ITGA1: variants seen among roughly 807,000 people sequenced by gnomAD.
The protein encoded by ITGA1 is integrin alpha-1.
ITGA1 carries 85 observed loss-of-function variants against 145.9 expected under a neutral mutation model. The ratio of observed to expected loss-of-function variants is 0.58; its 90% CI spans 0.49 to 0.70. The LOEUF (loss-of-function observed/expected upper bound fraction) is 0.70, where lower values mean the gene tolerates loss of function less well. Ranked by LOEUF, ITGA1 falls within the 30% of genes least tolerant of loss-of-function variation. ITGA1 has a pLI of 0.00. For missense variants in ITGA1, 1,351 were observed against 1,418.7 expected (o/e 0.95, Z 0.77); for synonymous variants, 520 against 495.3 (o/e 1.05, Z -0.66).
chr5:52,950,522 GA>G (rs1561258848), intron 28 of ITGA1, among the ~76,000 whole-genome samples: 2 of 152,080 alleles, frequency 1.3e-5, no homozygotes. Context: ...ACACAGGAAG[GA>G]AAAAATGAAA....
chr5:52,845,827 T>G (rs1168459098), intron 1 of ITGA1, among the ~76,000 whole-genome samples: 2 of 152,186 alleles, frequency 1.3e-5, no homozygotes, highest in Non-Finnish European at 2.9e-5. Context: ...TATGCATTTC[T>G]TGTATCAAAA....
At chr5:52,822,104 C>T (rs10045468) in intron 1 of ITGA1, among the ~76,000 whole-genome samples, 2,389 of 152,226 alleles carry the variant, frequency 0.016, 68 homozygotes, top group African/African-American at 0.054. Flanking sequence ...ATGTGGAGGC[C>T]GTTTCCTGAC....
At chr5:52,805,366 G>A (rs1249624543) in intron 1 of ITGA1, among the ~76,000 whole-genome samples, 1 of 152,008 alleles carries the variant, frequency 6.6e-6, no homozygotes, top group Admixed American at 6.6e-5. Flanking sequence ...AGGAAGACTG[G>A]TTAAAAAAAT....
chr5:52,788,167 C>T lies in ITGA1; in HGVS notation c.-187C>T, dbSNP rs1165364997. The T allele has an allele frequency of 3.8e-5, 18 of 476,380 alleles. No individual in the cohort carries two copies. Among genetic ancestry groups the T allele is most frequent in the Non-Finnish European group, 6.0e-5 (16 of 268,592 alleles). The allele number at this position is 476,380 out of a possible 1,614,324, so 29.5% of individuals were successfully genotyped here. On this transcript the variant is annotated 5_prime_UTR_variant, in exon 1 of 29. Coordinates refer to ENST00000282588, the MANE Select transcript of ITGA1 (RefSeq NM_181501.2). ...TCTGGGATGTGAAAAGCGTGGAGCG[C>T]ATTTAGAGGAATTCGACGAAAACAC...
rs145334288 is a variant in ITGA1, at chr5:52,858,959, A to G, written c.183-2488A>G. Among the ~76,000 whole-genome samples, 1,416 of 152,290 alleles carry G rather than the reference A, an allele frequency of 9.3e-3. 14 individuals are homozygous for G. Among genetic ancestry groups the G allele is most frequent in the Non-Finnish European group, 0.013 (912 of 67,994 alleles). ...ATGGAGTAATTGACTTGTCCTAACCATATAGCTAAGTGAATGGTAAAGCCA... is the reference window on the plus strand; with the variant it reads ...ATGGAGTAATTGACTTGTCCTAACCGTATAGCTAAGTGAATGGTAAAGCCA... On this transcript the variant is annotated intron_variant, in intron 2 of 28. Coordinates refer to ENST00000282588, the MANE Select transcript of ITGA1 (RefSeq NM_181501.2).
At chr5:52,834,639 CAGAA>C (rs201700776) in intron 1 of ITGA1, among the ~76,000 whole-genome samples, 3,136 of 129,998 alleles carry the variant, frequency 0.024, 110 homozygotes, top group African/African-American at 0.086. Flanking sequence ...GAAAGAAAGA[CAGAA>C]AGAAAGAAAA....
In ITGA1 at chr5:52,916,388, C is replaced by T. The variant is rs963375386; in HGVS notation, c.1988+794C>T. Among the ~76,000 whole-genome samples the T allele has an allele frequency of 2.6e-5, 4 of 152,188 alleles. No homozygotes were observed. In the South Asian group the frequency reaches 6.2e-4, roughly 24 times the overall value. ...TTTATGGGAAGTCCGCATGTTGATT[C>T]TCCTAAATTAATGCATTGGTTTACT... On this transcript the variant is annotated intron_variant, in intron 15 of 28. Coordinates refer to ENST00000282588, the MANE Select transcript of ITGA1 (RefSeq NM_181501.2).
intron 1 of ITGA1, among the ~76,000 whole-genome samples, chr5:52,834,645 G>GAA (rs1255423523): frequency 5.4e-5 from 8 of 148,100 alleles, no homozygotes; most frequent in African/African-American, 1.7e-4. Context: ...AAGACAGAAA[G>GAA]AAAGAAAAAG....
intron 20 of ITGA1, among the ~76,000 whole-genome samples, chr5:52,928,511 C>T (rs1374230326): frequency 6.6e-6 from 1 of 152,168 alleles, no homozygotes; most frequent in East Asian, 1.9e-4. Context: ...ATAAATTGTA[C>T]AGTCATTACG....
chr5:52,842,833 G>A (rs1007718405), intron 1 of ITGA1, among the ~76,000 whole-genome samples: 3 of 151,760 alleles, frequency 2.0e-5, no homozygotes, highest in African/African-American at 7.3e-5. Flanking sequence ...CTACAGGTGT[G>A]CACCTCTATG....
chr5:52,800,486 A>G, intron 1 of ITGA1: 3 of 1,613,886 alleles, frequency 1.9e-6, no homozygotes, highest in East Asian at 2.2e-5. Context: ...CACACTTACA[A>G]CCTCGTGCAG....
chr5:52,947,949 T>C (rs1271923526), intron 28 of ITGA1, among the ~76,000 whole-genome samples: 2 of 152,164 alleles, frequency 1.3e-5, no homozygotes, highest in African/African-American at 2.4e-5. Flanking sequence ...TGTTTAAATA[T>C]ATATGGCACA....
intron 19 of ITGA1, among the ~76,000 whole-genome samples, chr5:52,926,570 C>G (rs1416640533): frequency 6.6e-6 from 1 of 151,990 alleles, no homozygotes; most frequent in Non-Finnish European, 1.5e-5. Flanking sequence ...CCACTGCACT[C>G]CAGCCTGGTG....
chr5:52,909,112 C>A lies in ITGA1; in HGVS notation c.1599+71C>A, dbSNP rs1000241024. On this transcript the variant is annotated intron_variant, in intron 13 of 28. Coordinates refer to ENST00000282588, the MANE Select transcript of ITGA1 (RefSeq NM_181501.2). ...TCTCTTCATTTTTTAATAATAAATT[C>A]CAATTTTTCACTCACTTTGAAAAAA... 6 of 1,486,268 alleles carry A rather than the reference C, an allele frequency of 4.0e-6. No homozygotes were observed. The East Asian group carries it at 9.5e-5, about 24-fold the overall frequency. The allele number at this position is 1,486,268 out of a possible 1,614,324, so 92.1% of individuals were successfully genotyped here. A position where few individuals can be genotyped will look rare whatever the true frequency, so the allele number is the denominator to read the frequency against.
chr5:52,865,030 T>C lies in ITGA1; in HGVS notation c.444T>C (p.Cys148=), dbSNP rs1749662849. ...CGHLHYTTGI[C]SDVSPTFQVV... ...ATTTGCATTACACAACTGGAATCTGTTCTGACGTCAGCCCCACATTTCAAG... is the reference window on the plus strand; with the variant it reads ...ATTTGCATTACACAACTGGAATCTGCTCTGACGTCAGCCCCACATTTCAAG... The change falls in exon 5 of 29, where the codon TGT becomes TGC. Residue 148 remains cysteine, a synonymous_variant. Transcript: ENST00000282588. 3.7e-6 allele frequency: 6 copies of C among 1,613,824 alleles called. No individual in the cohort carries two copies. Among genetic ancestry groups the C allele is most frequent in the Non-Finnish European group, 2.5e-6 (3 of 1,179,876 alleles).
rs1347103077 is a variant in ITGA1, at chr5:52,952,997, T to C, written c.*546T>C. 1 of 152,144 alleles carries C rather than the reference T, an allele frequency of 6.6e-6. No homozygotes were observed. The highest frequency in any genetic ancestry group is 1.9e-4 in the East Asian group (1 of 5,194). The allele number at this position is 152,144 out of a possible 1,614,324, so 9.4% of individuals were successfully genotyped here. On this transcript the variant is annotated 3_prime_UTR_variant, in exon 29 of 29. Coordinates refer to ENST00000282588, the MANE Select transcript of ITGA1 (RefSeq NM_181501.2). Reference sequence around the variant, plus strand: ...TGAAAATTAAGTCACCAAGAATACATTTAGCATCTTTGTGTTGGGTTCTAT... The same window carrying C: ...TGAAAATTAAGTCACCAAGAATACACTTAGCATCTTTGTGTTGGGTTCTAT...
At chr5:52,814,864 T>C (rs1317090107) in intron 1 of ITGA1, among the ~76,000 whole-genome samples, 1 of 152,190 alleles carries the variant, frequency 6.6e-6, no homozygotes, top group Non-Finnish European at 1.5e-5. Flanking sequence ...ATATTAGTCC[T>C]GATGCATCAC....
intron 1 of ITGA1, among the ~76,000 whole-genome samples, chr5:52,811,742 G>T (rs1434011041): frequency 1.3e-5 from 2 of 152,140 alleles, no homozygotes; most frequent in African/African-American, 4.8e-5. Context: ...ATGTCAAGTT[G>T]CAGGGTCCTG....
At chr5:52,829,802 G>A (rs1272672486) in intron 1 of ITGA1, among the ~76,000 whole-genome samples, 1 of 151,960 alleles carries the variant, frequency 6.6e-6, no homozygotes, top group Non-Finnish European at 1.5e-5. Context: ...CACATTCCTG[G>A]TTTTTTGTTT....
Sources: gnomAD v4.1 joint callset for allele counts (sites outside exome capture counted in the v4.1 genomes callset) on GRCh38, gnomAD v4.1.1 for gene constraint, MANE v1.5 for transcripts, NCBI Gene and HGNC (gene_info 2026-07-23, HGNC 2026-07-21) for gene names.